Variants in SMARCA2 observed in about 807,000 individuals in gnomAD.
SMARCA2 encodes the protein SWI/SNF related BAF chromatin remodeling complex subunit ATPase 2, also known as SWI/SNF-related matrix-associated actin-dependent regulator of chromatin subfamily A member 2.
In SMARCA2, 61 loss-of-function variants were observed where a neutral mutation model predicts 199.8. The observed-to-expected ratio is 0.31, with a 90% CI of 0.25 to 0.38. The LOEUF (loss-of-function observed/expected upper bound fraction) is 0.38, where lower values mean the gene tolerates loss of function less well. SMARCA2 is among the 10% of genes least tolerant of loss of function. The pLI, the probability that SMARCA2 is intolerant of heterozygous loss-of-function variation, is 1.00. For missense variants in SMARCA2, 1,344 were observed against 2,012.2 expected, an observed-to-expected ratio of 0.67 and a Z score of 6.35; for synonymous variants, 935 against 732.0, an observed-to-expected ratio of 1.28 and a Z score of -4.48.
At chr9:2,106,391 A>T (rs1822755660) in intron 23 of SMARCA2, among the ~76,000 whole-genome samples, 1 of 152,230 alleles carries the variant, frequency 6.6e-6, no homozygotes. Flanking sequence ...TGGATGAACT[A>T]TTCACTGTTG....
intron 14 of SMARCA2, among the ~76,000 whole-genome samples, chr9:2,079,488 A>G (rs79571860): frequency 0.036 from 5,484 of 152,326 alleles, 246 homozygotes; most frequent in African/African-American, 0.11. Flanking sequence ...AAGCACTAGC[A>G]GTTTTTACCT....
rs759329728 is a variant in SMARCA2 at position 2,029,265 on chromosome 9, CA to C, written c.225+19del. 6.3e-6 allele frequency: 10 copies of C among 1,595,746 alleles called. No individual in the cohort carries two copies. The South Asian group carries it at 1.1e-4, about 18-fold the overall frequency. ...TGCATAAGGTAAGAGTTTGTTCTCC[CA>C]TTCAAACTCAACTTCTGATAAGTGG... On this transcript the variant is annotated intron_variant, in intron 2 of 33. Coordinates refer to ENST00000349721, the MANE Select transcript of SMARCA2 (RefSeq NM_003070.5).
intron 5 of SMARCA2, among the ~76,000 whole-genome samples, chr9:2,048,197 T>C (rs537729201): frequency 6.6e-6 from 1 of 152,270 alleles, no homozygotes; most frequent in South Asian, 2.1e-4. Flanking sequence ...CTGCAGGCTG[T>C]GTTTACGAGA....
intron 27 of SMARCA2, among the ~76,000 whole-genome samples, chr9:2,153,535 A>G (rs1050782154): frequency 2.6e-5 from 4 of 152,220 alleles, no homozygotes; most frequent in Non-Finnish European, 4.4e-5. Flanking sequence ...GGCCCCGTCT[A>G]GAATAAAGCA....
At chr9:2,095,323 A>G in intron 19 of SMARCA2, among the ~76,000 whole-genome samples, 1 of 152,002 alleles carries the variant, frequency 6.6e-6, no homozygotes, top group East Asian at 1.9e-4. Context: ...TGACCTCGTG[A>G]TTCGCCCGCC....
intron 5 of SMARCA2, among the ~76,000 whole-genome samples, chr9:2,052,963 T>C (rs1048468486): frequency 2.0e-5 from 3 of 152,196 alleles, no homozygotes; most frequent in Non-Finnish European, 4.4e-5. Context: ...GTAATATTCA[T>C]TTTTTAAGAC....
In SMARCA2 at chr9:2,032,829, T is replaced by C. The variant is rs55778643; in HGVS notation, c.226-123T>C. The C allele has an allele frequency of 0.013, 9,980 of 779,374 alleles. 112 individuals carry two copies. The highest frequency in any genetic ancestry group is 0.017 in the Non-Finnish European group (8,569 of 498,598). The allele number at this position is 779,374 out of a possible 1,614,324, so 48.3% of individuals were successfully genotyped here. A position where few individuals can be genotyped will look rare whatever the true frequency, so the allele number is the denominator to read the frequency against. ...TTTTGGTCTAGTCTCTTTTTTTAAC[T>C]CTAGAATGGGTAGTAGATGATAGTG... On this transcript the variant is annotated intron_variant, in intron 2 of 33. Transcript: ENST00000349721.
intron 31 of SMARCA2, among the ~76,000 whole-genome samples, chr9:2,185,719 C>G (rs946047882): frequency 9.9e-5 from 15 of 152,130 alleles, no homozygotes; most frequent in African/African-American, 3.1e-4. Context: ...CCCCCACTTG[C>G]TAGGGGCACT....
intron 27 of SMARCA2, among the ~76,000 whole-genome samples, chr9:2,136,341 C>T (rs1194867816): frequency 6.6e-6 from 1 of 151,876 alleles, no homozygotes; most frequent in Non-Finnish European, 1.5e-5. Context: ...GCACGTGCCA[C>T]CACCCCTGGC....
At chr9:2,113,634 G>A (rs868517476) in intron 24 of SMARCA2, among the ~76,000 whole-genome samples, 5 of 152,094 alleles carry the variant, frequency 3.3e-5, no homozygotes, top group African/African-American at 1.2e-4. Flanking sequence ...CAATTAGATG[G>A]GTGATCTGAA....
intron 27 of SMARCA2, among the ~76,000 whole-genome samples, chr9:2,157,255 TA>T (rs1342225103): frequency 1.5e-4 from 23 of 152,210 alleles, no homozygotes; most frequent in Non-Finnish European, 7.3e-5. Context: ...ATTACTGTAT[TA>T]TTGGCTTCCA....
chr9:2,125,047 A>G (rs1823628155), intron 27 of SMARCA2, among the ~76,000 whole-genome samples: 3 of 152,168 alleles, frequency 2.0e-5, no homozygotes, highest in Admixed American at 1.3e-4. Flanking sequence ...GGTTTTAAGT[A>G]GGTAGATGGG....
rs753951636 is a variant in SMARCA2 at position 2,115,809 on chromosome 9, A to AC, written c.3457-7dup. ...GCATCTCAGTCCTCATAGCATATTG[A>AC]CCCCCCAAACAGGATCTGCAGGCCC... On this transcript the variant is annotated splice_polypyrimidine_tract_variant and intron_variant, in intron 24 of 33. Transcript: ENST00000349721. The surrounding 1 kb of genome is among the most constrained non-coding windows in gnomAD (Gnocchi z 6.0). 8.7e-6 allele frequency: 14 copies of AC among 1,611,208 alleles called. No individual in the cohort carries two copies. Among genetic ancestry groups the AC allele is most frequent in the Non-Finnish European group, 1.1e-5 (13 of 1,178,216 alleles).
intron 19 of SMARCA2, among the ~76,000 whole-genome samples, chr9:2,090,717 G>C (rs1822017416): frequency 6.6e-6 from 1 of 152,130 alleles, no homozygotes; most frequent in Non-Finnish European, 1.5e-5. Flanking sequence ...CTTTCTCGCT[G>C]TTCTCTTGTC....
At chr9:2,185,388 A>C (rs1394753683) in intron 31 of SMARCA2, among the ~76,000 whole-genome samples, 1 of 152,124 alleles carries the variant, frequency 6.6e-6, no homozygotes, top group African/African-American at 2.4e-5. Flanking sequence ...AAATGTATAG[A>C]CTATAGTTGC....
intron 27 of SMARCA2, among the ~76,000 whole-genome samples, chr9:2,144,129 G>C (rs1365508553): frequency 6.6e-6 from 1 of 152,142 alleles, no homozygotes; most frequent in Non-Finnish European, 1.5e-5. Flanking sequence ...GAAATGAATG[G>C]ACAGAAGTTA....
At chr9:2,084,656 A>G (rs1821722063) in intron 17 of SMARCA2, among the ~76,000 whole-genome samples, 1 of 152,154 alleles carries the variant, frequency 6.6e-6, no homozygotes, top group African/African-American at 2.4e-5. Flanking sequence ...TCTCCACCAT[A>G]TGAACATTTA....
At chr9:2,168,543 C>T (rs544950224) in intron 28 of SMARCA2, among the ~76,000 whole-genome samples, 3 of 152,276 alleles carry the variant, frequency 2.0e-5, no homozygotes, top group South Asian at 2.1e-4. Flanking sequence ...TCCTCTGTCT[C>T]GGAAGTTCTT....
At chr9:2,058,916 T>C (rs1820468720) in intron 8 of SMARCA2, among the ~76,000 whole-genome samples, 1 of 152,264 alleles carries the variant, frequency 6.6e-6, no homozygotes, top group Non-Finnish European at 1.5e-5. Context: ...CTTATCTTTC[T>C]TTTTTAATGG....
Sources: gnomAD v4.1 joint callset for allele counts (sites outside exome capture counted in the v4.1 genomes callset) on GRCh38, gnomAD v4.1.1 for gene constraint, Gnocchi (gnomAD v3.1) non-coding constraint, MANE v1.5 for transcripts, NCBI Gene and HGNC (gene_info 2026-07-23, HGNC 2026-07-21) for gene names.